HKDC1: variants seen among roughly 807,000 people sequenced by gnomAD.
HKDC1 encodes the protein hexokinase HKDC1.
A neutral mutation model predicts 96.6 loss-of-function variants in HKDC1; 66 were observed. The observed-to-expected ratio is 0.68, with a 90% CI of 0.56 to 0.84. HKDC1 has a LOEUF of 0.84. Among genes scored for constraint, HKDC1 ranks in the 40% least tolerant of loss-of-function variants. HKDC1 has a pLI of 0.00. For missense variants in HKDC1, 1,211 were observed against 1,208.1 expected, an observed-to-expected ratio of 1.00 and a Z score of -0.04; for synonymous variants, 466 against 473.1, an observed-to-expected ratio of 0.98 and a Z score of 0.20.
In HKDC1 at chr10:69,265,678, C is replaced by A. The variant is rs373165480; in HGVS notation, c.2466C>A (p.Cys822Ter). ...CEDSIVVKEV[C>*]GAVSRRAAQL... ...ACAGCATCGTGGTGAAGGAGGTGTG[C>A]GGAGCCGTGTCCCGGCGGGCGGCCC... Residue 822 changes from cysteine to a stop codon, truncating the protein, a stop_gained, in exon 17 of 18, where the codon TGC becomes TGA. Coordinates refer to ENST00000354624, the MANE Select transcript of HKDC1 (RefSeq NM_025130.4). LOFTEE classifies it high-confidence loss of function. The A allele has an allele frequency of 1.5e-5, 24 of 1,613,778 alleles. 2 individuals are homozygous for A. In the South Asian group the frequency reaches 2.1e-4, roughly 14 times the overall value.
At chr10:69,233,169 G>C (rs878876513) in intron 4 of HKDC1, 36 bp downstream of exon 4, 2 of 1,611,454 alleles carry the variant, frequency 1.2e-6, no homozygotes, top group South Asian at 1.1e-5. Context: ...GCAGGAATTG[G>C]GGCTTGGGGA....
chr10:69,267,444 T>G lies in HKDC1; in HGVS notation c.*687T>G, dbSNP rs1370628027. 3 of 455,274 alleles carry G rather than the reference T, an allele frequency of 6.6e-6. No individual in the cohort carries two copies. Among genetic ancestry groups the G allele is most frequent in the East Asian group, 1.4e-4 (2 of 14,386 alleles). 28.2% of individuals were successfully genotyped at this position (455,274 alleles called of 1,614,324 possible). On this transcript the variant is annotated 3_prime_UTR_variant, in exon 18 of 18. Coordinates refer to ENST00000354624, the MANE Select transcript of HKDC1 (RefSeq NM_025130.4). ...GGTGGGGTGCTGTCTGGGGCATCTG[T>G]TTTTCATTTTGCCTGTGGTTTGTGT...
chr10:69,257,269 C>A (rs1351583557), intron 13 of HKDC1, 58 bp from the exon 14 acceptor site: 7 of 1,522,196 alleles, frequency 4.6e-6, no homozygotes, highest in African/African-American at 1.4e-5. Context: ...ACCTGTTTGG[C>A]TTGCACATTC....
rs549591143 is a variant in HKDC1, at chr10:69,223,541, C to T, written c.63+3043C>T. Among the ~76,000 whole-genome samples the T allele has an allele frequency of 5.1e-4, 76 of 148,206 alleles. 1 individual carries two copies. The highest frequency in any genetic ancestry group is 1.8e-3 in the African/African-American group (71 of 40,082). On this transcript the variant is annotated intron_variant, in intron 1 of 17. Transcript: ENST00000354624. Reference sequence around the variant, plus strand: ...CTCTTGTTGGACATTTGGATACTTTCGAATATCCAGAGTTGTGTAACCATT... The same window carrying T: ...CTCTTGTTGGACATTTGGATACTTTTGAATATCCAGAGTTGTGTAACCATT...
intron 12 of HKDC1, among the ~76,000 whole-genome samples, chr10:69,253,181 A>G (rs1843670924): frequency 6.6e-6 from 1 of 152,196 alleles, no homozygotes; most frequent in Admixed American, 6.5e-5. Flanking sequence ...AGTGGGGACT[A>G]GACACTGGGC....
At chr10:69,220,628 TAA>T (rs1322309611) in intron 1 of HKDC1, 130 bp downstream of exon 1, 2 of 579,926 alleles carry the variant, frequency 3.4e-6, no homozygotes, top group East Asian at 6.5e-5. Flanking sequence ...ATATGACCAG[TAA>T]AAGACTCACT....
chr10:69,248,321 G>A (rs565982952), intron 9 of HKDC1, 103 bp from the exon 10 acceptor site: 92 of 1,188,582 alleles, frequency 7.7e-5, no homozygotes, highest in Non-Finnish European at 1.0e-4. Context: ...GCTGAGCCCC[G>A]CCCCGCAGGG....
In HKDC1 at chr10:69,227,134, G is replaced by T. The variant is rs1030010051; in HGVS notation, c.64-73G>T. 32 of 1,538,192 alleles carry T rather than the reference G, an allele frequency of 2.1e-5. No individual in the cohort carries two copies. The African/African-American group carries it at 3.7e-4, about 18-fold the overall frequency. On this transcript the variant is annotated intron_variant, in intron 1 of 17. Transcript: ENST00000354624. ...TCAGGAATGCAGCTTGCTGAGGGAT[G>T]TCGGGGGTTACAGCCTCGACTGGAG... is the stretch of plus-strand genomic sequence containing the variant.
intron 5 of HKDC1, 82 bp from the exon 6 acceptor site, chr10:69,240,570 C>A: frequency 8.5e-7 from 1 of 1,170,818 alleles, no homozygotes; most frequent in Non-Finnish European, 1.3e-6. Flanking sequence ...GCCACCTTCA[C>A]TACCTGCTGC....
At chr10:69,227,564 T>C (rs892158770) in intron 2 of HKDC1, among the ~76,000 whole-genome samples, 195 bp downstream of exon 2, 3 of 150,838 alleles carry the variant, frequency 2.0e-5, no homozygotes, top group African/African-American at 7.3e-5. Context: ...CCAGGCACCG[T>C]GGCTTCTCTG....
intron 4 of HKDC1, among the ~76,000 whole-genome samples, chr10:69,233,694 C>G (rs1032041677): frequency 6.6e-6 from 1 of 151,354 alleles, no homozygotes; most frequent in Non-Finnish European, 1.5e-5. Flanking sequence ...GTCAGGAGAT[C>G]GAGACCATCC....
chr10:69,254,455 C>T (rs1843690529), intron 12 of HKDC1, among the ~76,000 whole-genome samples: 1 of 152,184 alleles, frequency 6.6e-6, no homozygotes, highest in African/African-American at 2.4e-5. Flanking sequence ...CCATCCATCT[C>T]TTAAACTTTT....
Position 69,248,730 on chromosome 10 carries a change from T to G in HKDC1, c.1570+2T>G, listed in dbSNP as rs1247217329. The G allele has an allele frequency of 5.0e-6, 8 of 1,597,348 alleles. No individual in the cohort carries two copies. The highest frequency in any genetic ancestry group is 6.8e-6 in the Non-Finnish European group (8 of 1,169,494). ...TCTGCGGGCTGCCGGACGGCACAGGTGGGCCAGCACAGCCTCCCTCTCTGA... is the reference window on the plus strand; with the variant it reads ...TCTGCGGGCTGCCGGACGGCACAGGGGGGCCAGCACAGCCTCCCTCTCTGA... On this transcript the variant is annotated splice_donor_variant, in intron 10 of 17. Coordinates refer to ENST00000354624, the MANE Select transcript of HKDC1 (RefSeq NM_025130.4). LOFTEE classifies it high-confidence loss of function.
At position 69,243,352 on chromosome 10, in the gene HKDC1, C is replaced by A; in HGVS notation, c.862C>A (p.Pro288Thr). The change falls in exon 7 of 18, where the codon CCA (proline) becomes ACA (threonine). Residue 288 changes from proline (P) to threonine (T), a missense_variant. Physicochemically the swap from Pro to Thr is conservative, Grantham distance 38. Transcript: ENST00000354624. ...GGAGCTGGACCTCGGCTCTCTCAAC[C>A]CAGGAAAGCAACTGTGAGTTCCCTT... Reference protein sequence around the residue: ...DRELDLGSLNPGKQLFEKMIS... With the variant: ...DRELDLGSLNTGKQLFEKMIS... 1.9e-6 allele frequency: 3 copies of A among 1,585,902 alleles called. No homozygotes were observed. Among genetic ancestry groups the A allele is most frequent in the Non-Finnish European group, 8.6e-7 (1 of 1,165,516 alleles).
intron 2 of HKDC1, among the ~76,000 whole-genome samples, chr10:69,229,205 G>A (rs1215281059): frequency 2.0e-5 from 3 of 152,228 alleles, no homozygotes; most frequent in Admixed American, 6.5e-5. Context: ...CAGGGTCTGA[G>A]GTTTGGGAGC....
rs1589412271 is a variant in HKDC1, at chr10:69,248,880, T to C, written c.1570+152T>C. 5.5e-6 allele frequency: 4 copies of C among 722,968 alleles called. No homozygotes were observed. In the East Asian group the frequency reaches 8.3e-5, roughly 15 times the overall value. 44.8% of individuals were successfully genotyped at this position (722,968 alleles called of 1,614,324 possible). A position where few individuals can be genotyped will look rare whatever the true frequency, so the allele number is the denominator to read the frequency against. On this transcript the variant is annotated intron_variant, in intron 10 of 17. Coordinates refer to ENST00000354624, the MANE Select transcript of HKDC1 (RefSeq NM_025130.4). ...AGAAGGCTAGTATTCTTTCTAAATC[T>C]GTTGGCCTTTGTTAACCCAAGGCAT...
chr10:69,239,249 A>G (rs555815383), intron 5 of HKDC1, 112 bp downstream of exon 5: 2 of 671,738 alleles, frequency 3.0e-6, no homozygotes, highest in South Asian at 3.6e-5. Context: ...GCATGGAGGG[A>G]GAATCAGAGA....
At chr10:69,238,947 G>A (rs72814215) in intron 4 of HKDC1, 95 bp from the exon 5 acceptor site, 10,700 of 768,778 alleles carry the variant, frequency 0.014, 107 homozygotes, top group Non-Finnish European at 0.019. Context: ...AGAAGAGAAG[G>A]CCATGGGGGA....
At chr10:69,266,244 C>T (rs1831987397) in intron 17 of HKDC1, among the ~76,000 whole-genome samples, 1 of 152,108 alleles carries the variant, frequency 6.6e-6, no homozygotes, top group South Asian at 2.1e-4. Context: ...TGAGACCAGC[C>T]TGGGCAACAC....
Sources: gnomAD v4.1 joint callset for allele counts (sites outside exome capture counted in the v4.1 genomes callset) on GRCh38, gnomAD v4.1.1 for gene constraint, MANE v1.5 for transcripts, NCBI Gene and HGNC (gene_info 2026-07-23, HGNC 2026-07-21) for gene names.